PANK2: variants seen among roughly 807,000 people sequenced by gnomAD.
PANK2 encodes the protein pantothenate kinase 2.
Under a neutral mutation model 43.1 loss-of-function variants are expected in PANK2, and 36 were observed. That is an observed-to-expected ratio of 0.84 (90% CI 0.64 to 1.10). The LOEUF is 1.10. Ranked by LOEUF, PANK2 falls within the 50% of genes least tolerant of loss-of-function variation. PANK2 has a pLI of 0.00. For missense variants in PANK2, 576 were observed against 593.3 expected, an observed-to-expected ratio of 0.97 and a Z score of 0.30; for synonymous variants, 281 against 238.2, an observed-to-expected ratio of 1.18 and a Z score of -1.66.
Position 3,927,649 on chromosome 20 carries a change from ACT to A in PANK2, c.*4358_*4359del, listed in dbSNP as rs1336400329. 2 of 152,104 alleles carry A rather than the reference ACT, an allele frequency of 1.3e-5. No homozygotes were observed. Among genetic ancestry groups the A allele is most frequent in the African/African-American group, 4.8e-5 (2 of 41,406 alleles). 9.4% of individuals were successfully genotyped at this position (152,104 alleles called of 1,614,324 possible). A position where few individuals can be genotyped will look rare whatever the true frequency, so the allele number is the denominator to read the frequency against. On this transcript the variant is annotated 3_prime_UTR_variant, in exon 7 of 7. Coordinates refer to ENST00000610179, the MANE Select transcript of PANK2 (RefSeq NM_001386393.1). ...CCAAGAGGCGATAGTTACCAGCAAC[ACT>A]CTAGGAAGACCAGCTGTCACCAGAA...
rs757979563 is a variant in PANK2 at position 3,910,688 on chromosome 20, A to G, written c.763A>G (p.Asn255Asp). ...ACGGTCACAGTGCTATTACTTTGAA[A>G]ACCCTGCTGATTCTGAAAAGTGTCA... Residue 255 changes from asparagine to aspartate, a missense_variant, in exon 3 of 7, where the codon AAC becomes GAC. This residue lies in a region of PANK2 where 544 missense variants were observed against 528.9 expected (regional missense o/e 1.03). Coordinates refer to ENST00000610179, the MANE Select transcript of PANK2 (RefSeq NM_001386393.1). 1 of 1,614,202 alleles carries G rather than the reference A, an allele frequency of 6.2e-7. No individual in the cohort carries two copies. The highest frequency in any genetic ancestry group is 2.2e-5 in the East Asian group (1 of 44,870).
At chr20:3,918,306 A>G (rs563988616) in intron 5 of PANK2, among the ~76,000 whole-genome samples, 1 of 151,846 alleles carries the variant, frequency 6.6e-6, no homozygotes, top group South Asian at 2.1e-4. Flanking sequence ...TGCCTGTTAT[A>G]TTGCTTGTAT....
upstream of PANK2, chr20:3,888,943 AG>A: frequency 1.7e-6 from 1 of 576,060 alleles, no homozygotes; most frequent in Admixed American, 3.2e-5. Flanking sequence ...GCCGACGACC[AG>A]CGGCCAGACG....
intron 1 of PANK2, chr20:3,901,658 C>T: frequency 5.4e-6 from 5 of 928,308 alleles, no homozygotes; most frequent in Non-Finnish European, 6.4e-6. Context: ...TTGTAAAAGT[C>T]AGTACTTTTG....
intron 1 of PANK2, among the ~76,000 whole-genome samples, chr20:3,905,717 CT>C (rs377100642): frequency 0.033 from 4,329 of 132,546 alleles, 134 homozygotes; most frequent in African/African-American, 0.1. Flanking sequence ...AACCCACACC[CT>C]TTTTTTTTTT....
intron 1 of PANK2, among the ~76,000 whole-genome samples, chr20:3,907,432 A>G (rs889813292): frequency 2.0e-5 from 3 of 152,146 alleles, no homozygotes; most frequent in East Asian, 3.9e-4. Context: ...GTTAATGTCT[A>G]TTGAAACCTT....
intron 1 of PANK2, among the ~76,000 whole-genome samples, chr20:3,898,869 AGT>A (rs1214527101): frequency 6.6e-6 from 1 of 151,248 alleles, no homozygotes; most frequent in East Asian, 1.9e-4. Flanking sequence ...GCTGGTCTTG[AGT>A]GTTTTTTTTT....
chr20:3,903,148 T>C (rs1236731225), intron 1 of PANK2, among the ~76,000 whole-genome samples: 1 of 149,900 alleles, frequency 6.7e-6, no homozygotes, highest in Non-Finnish European at 1.5e-5. Context: ...CTTTTTTTTT[T>C]TTTTCCCCCT....
intron 1 of PANK2, among the ~76,000 whole-genome samples, chr20:3,894,350 C>A (rs998798266): frequency 6.6e-6 from 1 of 151,820 alleles, no homozygotes; most frequent in African/African-American, 2.4e-5. Context: ...AAGTGATTCT[C>A]CTGCCTTAGC....
chr20:3,917,352 A>G, intron 5 of PANK2: 1 of 473,358 alleles, frequency 2.1e-6, no homozygotes, highest in Non-Finnish European at 4.4e-6. Flanking sequence ...ATGGATAACG[A>G]TGCTGAATGT....
At chr20:3,889,329 G>A, upstream of PANK2, 2 of 1,589,400 alleles carry the variant, frequency 1.3e-6, no homozygotes, top group Non-Finnish European at 1.7e-6. Context: ...AGCCTCGTCG[G>A]ATTGGCTTCC....
At chr20:3,895,311 A>T (rs13037800) in intron 1 of PANK2, among the ~76,000 whole-genome samples, 1 of 151,774 alleles carries the variant, frequency 6.6e-6, no homozygotes, top group Admixed American at 6.6e-5. Flanking sequence ...ATAATAATAA[A>T]CAAATTAGCA....
chr20:3,908,577 C>A (rs2090423665), intron 2 of PANK2: 1 of 360,860 alleles, frequency 2.8e-6, no homozygotes, highest in Non-Finnish European at 5.1e-6. Context: ...ATCATTAGAT[C>A]ATGAACAATG....
intron 1 of PANK2, among the ~76,000 whole-genome samples, chr20:3,901,102 A>G (rs907961518): frequency 3.3e-5 from 5 of 151,738 alleles, no homozygotes; most frequent in African/African-American, 1.2e-4. Flanking sequence ...CTCTGCTGCC[A>G]GGCTGGAGTA....
intron 1 of PANK2, among the ~76,000 whole-genome samples, chr20:3,895,317 TAGC>T (rs1370577339): frequency 6.6e-6 from 1 of 151,528 alleles, no homozygotes; most frequent in Non-Finnish European, 1.5e-5. Flanking sequence ...ATAAACAAAT[TAGC>T]AGAATGTCGT....
Position 3,918,401 on chromosome 20 carries a change from T to C in PANK2, c.1207-270T>C, listed in dbSNP as rs564566353. Among the ~76,000 whole-genome samples, 13 of 152,332 alleles carry C rather than the reference T, an allele frequency of 8.5e-5. No individual in the cohort carries two copies. The South Asian group carries it at 2.7e-3, about 32-fold the overall frequency. The stretch of plus-strand genomic sequence containing the variant: ...ATTTTAACTTATCTGTATAAAACAT[T>C]GTATTCAAAACTAGTTATTGTTGGT... On this transcript the variant is annotated intron_variant, in intron 5 of 6. Coordinates refer to ENST00000610179, the MANE Select transcript of PANK2 (RefSeq NM_001386393.1).
intron 4 of PANK2, 90 bp from the exon 5 acceptor site, chr20:3,916,837 G>T (rs988195740): frequency 1.3e-6 from 2 of 1,561,928 alleles, no homozygotes; most frequent in African/African-American, 2.7e-5. Flanking sequence ...TGCCCTAAAA[G>T]CTAATTTTAT....
At chr20:3,905,643 G>T (rs1207239008) in intron 1 of PANK2, among the ~76,000 whole-genome samples, 1 of 151,418 alleles carries the variant, frequency 6.6e-6, no homozygotes, top group Admixed American at 6.6e-5. Context: ...CACCACACCC[G>T]GCCTGCTATC....
At chr20:3,913,163 C>T (rs563925416) in intron 4 of PANK2, among the ~76,000 whole-genome samples, 255 of 152,046 alleles carry the variant, frequency 1.7e-3, no homozygotes, top group Non-Finnish European at 2.9e-3. Context: ...ACTCTCCATT[C>T]CCCCCACAGC....
Sources: gnomAD v4.1 joint callset for allele counts (sites outside exome capture counted in the v4.1 genomes callset) on GRCh38, gnomAD v4.1.1 for gene constraint, gnomAD v4.1.1 regional missense constraint, MANE v1.5 for transcripts, NCBI Gene and HGNC (gene_info 2026-07-23, HGNC 2026-07-21) for gene names.